AHR: variants seen among roughly 807,000 people sequenced by gnomAD.
AHR encodes AH-receptor.
AHR carries 40 observed loss-of-function variants against 86.8 expected under a neutral mutation model. That is an observed-to-expected ratio of 0.46 (90% CI 0.36 to 0.60). The LOEUF is 0.60. Ranked by LOEUF, AHR falls within the 20% of genes least tolerant of loss-of-function variation. The pLI, the probability that AHR is intolerant of heterozygous loss-of-function variation, is 0.00. For missense variants in AHR, 1,001 were observed against 1,011.6 expected, an observed-to-expected ratio of 0.99 and a Z score of 0.14; for synonymous variants, 398 against 354.9, an observed-to-expected ratio of 1.12 and a Z score of -1.37.
intron 2 of AHR, among the ~76,000 whole-genome samples, chr7:17,314,252 A>G (rs1231413194): frequency 6.6e-6 from 1 of 152,076 alleles, no homozygotes; most frequent in African/African-American, 2.4e-5. Flanking sequence ...TATTTTTAAA[A>G]CAAGGTAATG....
chr7:17,337,738 G>C (rs1317958718), intron 9 of AHR, among the ~76,000 whole-genome samples: 1 of 151,248 alleles, frequency 6.6e-6, no homozygotes, highest in Admixed American at 6.6e-5. Flanking sequence ...GCCTCCCAAA[G>C]TGCTGGGATT....
intron 2 of AHR, among the ~76,000 whole-genome samples, chr7:17,317,118 T>TTG (rs1554266150): frequency 2.7e-5 from 4 of 148,974 alleles, no homozygotes; most frequent in East Asian, 1.9e-4. Context: ...AGAATTTTGT[T>TTG]TTTTTTTTTT....
At position 17,339,944 on chromosome 7, in the gene AHR, G is replaced by A. The variant is rs1782400908; in HGVS notation, c.2119G>A (p.Val707Ile). ...GAACTTTATTTCCTGTAATCAGCCTGTATTACCACAACATTCCAAATGTAC... is the reference window on the plus strand; with the variant it reads ...GAACTTTATTTCCTGTAATCAGCCTATATTACCACAACATTCCAAATGTAC... ...TQNFISCNQP[V>I]LPQHSKCTEL... is the part of the protein sequence containing the mutation. The change falls in exon 10 of 11, where the codon GTA (valine) becomes ATA (isoleucine). Residue 707 changes from valine to isoleucine, a missense_variant. By Grantham distance (29) the Val-to-Ile change is conservative. Around this residue, in one of 2 missense-constraint regions of AHR, gnomAD observed 607 missense variants for 543.1 expected, o/e 1.12. Transcript: ENST00000242057. 1 of 1,614,154 alleles carries A rather than the reference G, an allele frequency of 6.2e-7. No individual in the cohort carries two copies. The highest frequency in any genetic ancestry group is 8.5e-7 in the Non-Finnish European group (1 of 1,180,010).
Position 17,329,200 on chromosome 7 carries a change from G to GT in AHR, c.451-751dup, listed in dbSNP as rs367642435. ...CGCTCATGGGTATGCAGTCGAGACA[G>GT]TGGATCACTATCAAACTGTTTTTTA... On this transcript the variant is annotated intron_variant, in intron 4 of 10. Transcript: ENST00000242057. 5.5e-3 allele frequency among the ~76,000 whole-genome samples: 833 copies of GT among 152,046 alleles called. 6 individuals are homozygous for GT. Among genetic ancestry groups the GT allele is most frequent in the African/African-American group, 0.019 (788 of 41,540 alleles).
intron 1 of AHR, 29 bp from the exon 2 acceptor site, chr7:17,309,907 T>C (rs754883924): frequency 1.5e-5 from 22 of 1,495,980 alleles, no homozygotes; most frequent in Admixed American, 3.9e-5. Context: ...TTTTAAAGGA[T>C]TTTTTATGGT....
rs150495643 is a variant in AHR at position 17,329,934 on chromosome 7, T to G, written c.451-18T>G. 6 of 1,594,120 alleles carry G rather than the reference T, an allele frequency of 3.8e-6. No individual in the cohort carries two copies. The African/African-American group carries it at 8.1e-5, about 22-fold the overall frequency. On this transcript the variant is annotated intron_variant, in intron 4 of 10. Transcript: ENST00000242057. ...TAATCAGTCCTTTTGTTGTATTCCT[T>G]GTATCTTTTTTCTTTAGTCTGATGT...
intron 9 of AHR, among the ~76,000 whole-genome samples, chr7:17,337,648 T>G (rs546734216): frequency 5.9e-5 from 9 of 151,590 alleles, no homozygotes; most frequent in Admixed American, 5.9e-4. Context: ...CTAATTTTTT[T>G]GTATTTTTAG....
chr7:17,333,822 C>T (rs1782326588), intron 6 of AHR, 90 bp from the exon 7 acceptor site: 5 of 986,768 alleles, frequency 5.1e-6, no homozygotes, highest in South Asian at 4.6e-5. Flanking sequence ...ATCAAGAACC[C>T]TAGAGGCAGC....
At position 17,317,661 on chromosome 7, in the gene AHR, A is replaced by G. The variant is rs974530062; in HGVS notation, c.254-4840A>G. 2.6e-5 allele frequency among the ~76,000 whole-genome samples: 4 copies of G among 152,212 alleles called. No individual in the cohort carries two copies. The South Asian group carries it at 6.2e-4, about 24-fold the overall frequency. On this transcript the variant is annotated intron_variant, in intron 2 of 10. Transcript: ENST00000242057. ...AGCATCACTGGGGAACTTGTTACCT[A>G]TGCAAACTGTAAAGCCCTATCCTAG... is the stretch of plus-strand genomic sequence containing the variant.
chr7:17,331,357 C>T (rs137871911), intron 6 of AHR, among the ~76,000 whole-genome samples: 3 of 151,998 alleles, frequency 2.0e-5, no homozygotes, highest in African/African-American at 7.2e-5. Flanking sequence ...CTTTAAAAAT[C>T]TGCTACCAAA....
rs1425921770 is a variant in AHR, at chr7:17,298,891, A to C, written c.-374A>C. The C allele has an allele frequency of 2.5e-6, 1 of 403,392 alleles. No homozygotes were observed. Among genetic ancestry groups the C allele is most frequent in the Non-Finnish European group, 4.4e-6 (1 of 229,562 alleles). The allele number at this position is 403,392 out of a possible 1,614,324, so 25.0% of individuals were successfully genotyped here. ...ACGGGGCGCGGCGCCACCGTGAGCG[A>C]CCCAGGCCAGGATTCTAAATAGACG... On this transcript the variant is annotated 5_prime_UTR_variant, in exon 1 of 11. Coordinates refer to ENST00000242057, the MANE Select transcript of AHR (RefSeq NM_001621.5).
rs115793122 is a variant in AHR at position 17,336,459 on chromosome 7, C to T, written c.1160+673C>T. 6.9e-3 allele frequency among the ~76,000 whole-genome samples: 1,053 copies of T among 152,204 alleles called. 12 individuals carry two copies. Among genetic ancestry groups the T allele is most frequent in the African/African-American group, 0.024 (989 of 41,526 alleles). On this transcript the variant is annotated intron_variant, in intron 9 of 10. Coordinates refer to ENST00000242057, the MANE Select transcript of AHR (RefSeq NM_001621.5). Reference sequence around the variant, plus strand: ...GTTATTCTATCTTTATTATATATTTCTATGTCAGAGTGTGTCATTTTGTTT... The same window carrying T: ...GTTATTCTATCTTTATTATATATTTTTATGTCAGAGTGTGTCATTTTGTTT...
At position 17,336,243 on chromosome 7, in the gene AHR, C is replaced by G. The variant is rs1308116995; in HGVS notation, c.1160+457C>G. Among the ~76,000 whole-genome samples, 6 of 152,074 alleles carry G rather than the reference C, an allele frequency of 3.9e-5. No homozygotes were observed. In the East Asian group the frequency reaches 1.2e-3, roughly 29 times the overall value. On this transcript the variant is annotated intron_variant, in intron 9 of 10. Coordinates refer to ENST00000242057, the MANE Select transcript of AHR (RefSeq NM_001621.5). ...TAGCTTGAGGTAAGGATTGATTCCC[C>G]CCAGCCATTATACGTATACCCAATT...
At chr7:17,317,123 T>TG (rs1264947058) in intron 2 of AHR, among the ~76,000 whole-genome samples, 5 of 150,108 alleles carry the variant, frequency 3.3e-5, no homozygotes, top group African/African-American at 7.3e-5. Context: ...TTTGTTTTTT[T>TG]TTTTTTTTTT....
In AHR at chr7:17,335,631, T is replaced by A. The variant is rs566228499; in HGVS notation, c.1019-14T>A. ...TTGGGGGTTTGATAATTTAATTTTT[T>A]AATTTTATTTTAGTGATTAAGACTG... On this transcript the variant is annotated splice_polypyrimidine_tract_variant and intron_variant, in intron 8 of 10. Coordinates refer to ENST00000242057, the MANE Select transcript of AHR (RefSeq NM_001621.5). 9.8e-6 allele frequency: 15 copies of A among 1,534,906 alleles called. No individual in the cohort carries two copies. Among genetic ancestry groups the A allele is most frequent in the Middle Eastern group, 1.7e-4 (1 of 5,846 alleles).
intron 1 of AHR, among the ~76,000 whole-genome samples, chr7:17,301,031 T>C (rs1781950153): frequency 6.6e-6 from 1 of 152,116 alleles, no homozygotes; most frequent in African/African-American, 2.4e-5. Flanking sequence ...TTTTATTAGA[T>C]TATCCTAATA....
At chr7:17,328,059 T>G (rs1782247713) in intron 4 of AHR, among the ~76,000 whole-genome samples, 1 of 151,948 alleles carries the variant, frequency 6.6e-6, no homozygotes, top group Admixed American at 6.6e-5. Flanking sequence ...ACTGTGTTTC[T>G]TCTTTCGCTT....
At chr7:17,299,791 A>G (rs927051377) in intron 1 of AHR, among the ~76,000 whole-genome samples, 3 of 152,226 alleles carry the variant, frequency 2.0e-5, no homozygotes, top group Non-Finnish European at 4.4e-5. Context: ...ACACATGCTG[A>G]CTTTTACGAA....
At chr7:17,299,531 A>T (rs1017045430) in intron 1 of AHR, among the ~76,000 whole-genome samples, 1 of 152,198 alleles carries the variant, frequency 6.6e-6, no homozygotes, top group Admixed American at 6.5e-5. Flanking sequence ...CATTTTAAAA[A>T]TTGTCCTCCC....
Sources: gnomAD v4.1 joint callset for allele counts (sites outside exome capture counted in the v4.1 genomes callset) on GRCh38, gnomAD v4.1.1 for gene constraint, gnomAD v4.1.1 regional missense constraint, MANE v1.5 for transcripts, NCBI Gene and HGNC (gene_info 2026-07-23, HGNC 2026-07-21) for gene names.